The following DNAH6 variants were observed in gnomAD, a reference collection of about 807,000 sequenced individuals.
The protein encoded by DNAH6 is axonemal beta dynein heavy chain 6.
A neutral mutation model predicts 491.4 loss-of-function variants in DNAH6; 340 were observed. That is an observed-to-expected ratio of 0.69 (90% CI 0.63 to 0.76). The LOEUF is 0.76. Among genes scored for constraint, DNAH6 ranks in the 30% least tolerant of loss-of-function variants. The pLI, the probability that DNAH6 is intolerant of heterozygous loss-of-function variation, is 0.00. For synonymous variants in DNAH6, 1,603 were observed against 1,686.1 expected, an observed-to-expected ratio of 0.95 and a Z score of 1.21; for missense variants, 4,443 against 4,972.2, an observed-to-expected ratio of 0.89 and a Z score of 3.20.
intron 18 of DNAH6, among the ~76,000 whole-genome samples, chr2:84,599,926 TG>T (rs1315685246): frequency 6.6e-6 from 1 of 152,236 alleles, no homozygotes; most frequent in East Asian, 1.9e-4. Context: ...CATACTTTTA[TG>T]ATTTCTGTCC....
intron 22 of DNAH6, among the ~76,000 whole-genome samples, chr2:84,613,971 A>G (rs554940856): frequency 3.9e-5 from 6 of 152,172 alleles, no homozygotes; most frequent in African/African-American, 1.4e-4. Context: ...CAGTTAACTT[A>G]GTACTTTTTA....
chr2:84,624,793 T>G (rs1389936944), intron 28 of DNAH6, 109 bp from the exon 29 acceptor site: 2 of 1,284,170 alleles, frequency 1.6e-6, no homozygotes, highest in Admixed American at 2.9e-5. Flanking sequence ...GTATTTCAAT[T>G]GCTATATTTT....
intron 63 of DNAH6, among the ~76,000 whole-genome samples, chr2:84,761,446 C>A (rs548163673): frequency 1.3e-5 from 2 of 152,086 alleles, no homozygotes; most frequent in African/African-American, 4.8e-5. Context: ...ACACATGTAA[C>A]AAAATTACTT....
intron 64 of DNAH6, among the ~76,000 whole-genome samples, chr2:84,778,504 CTTT>C (rs35187823): frequency 1.4e-5 from 2 of 145,982 alleles, no homozygotes; most frequent in African/African-American, 2.5e-5. Flanking sequence ...GCACTATAAA[CTTT>C]TTTTTTTTTT....
At chr2:84,597,153 G>A (rs1343700945) in intron 18 of DNAH6, among the ~76,000 whole-genome samples, 4 of 152,044 alleles carry the variant, frequency 2.6e-5, no homozygotes, top group Non-Finnish European at 4.4e-5. Flanking sequence ...GCCTTTTACA[G>A]AATATTATAT....
chr2:84,645,513 T>C, intron 33 of DNAH6, among the ~76,000 whole-genome samples: 1 of 149,780 alleles, frequency 6.7e-6, no homozygotes, highest in East Asian at 1.9e-4. Context: ...ATCAGTAATG[T>C]TGAGCTTTTT....
chr2:84,811,862 A>C (rs1363097239), intron 72 of DNAH6, among the ~76,000 whole-genome samples: 8 of 141,122 alleles, frequency 5.7e-5, no homozygotes, highest in Non-Finnish European at 1.2e-4. Context: ...TCTGTCTCAA[A>C]AAAAAAAAAA....
At chr2:84,784,907 G>T in intron 66 of DNAH6, 97 bp downstream of exon 66, 1 of 837,576 alleles carries the variant, frequency 1.2e-6, no homozygotes, top group Non-Finnish European at 1.9e-6. Flanking sequence ...AGAAGCATGT[G>T]GAGGTCTGTG....
At chr2:84,658,165 G>C (rs147532053) in intron 35 of DNAH6, 127 bp from the exon 36 acceptor site, 143 of 556,918 alleles carry the variant, frequency 2.6e-4, no homozygotes, top group African/African-American at 2.4e-3. Context: ...AATATGTTGT[G>C]ATAGTTATAG....
At chr2:84,604,694 A>G in intron 19 of DNAH6, 143 bp downstream of exon 19, 1 of 661,788 alleles carries the variant, frequency 1.5e-6, no homozygotes, top group South Asian at 2.0e-5. Context: ...GTTTCCTTAC[A>G]ACAGATATTA....
At chr2:84,485,739 C>T in the DNAH6 span, among the ~76,000 whole-genome samples, 5 of 151,948 alleles carry the variant, frequency 3.3e-5, no homozygotes, top group African/African-American at 4.8e-5. Context: ...TATCTCTTTA[C>T]GGCAAGAGTG....
At position 84,672,534 on chromosome 2, in the gene DNAH6, G is replaced by A. The variant is rs1422612550; in HGVS notation, c.6612+50G>A. 4.7e-6 allele frequency: 7 copies of A among 1,488,414 alleles called. No homozygotes were observed. The South Asian group carries it at 8.8e-5, about 19-fold the overall frequency. The allele number at this position is 1,488,414 out of a possible 1,614,324, so 92.2% of individuals were successfully genotyped here. ...GGTGTGCTTAAATTTAAATGACAAG[G>A]AAATATGATGTATAGTTTGTGAGAC... On this transcript the variant is annotated intron_variant, in intron 40 of 76. Coordinates refer to ENST00000389394, the MANE Select transcript of DNAH6 (RefSeq NM_001370.2).
chr2:84,561,836 A>G (rs1258212917), intron 11 of DNAH6, among the ~76,000 whole-genome samples: 1 of 152,236 alleles, frequency 6.6e-6, no homozygotes, highest in African/African-American at 2.4e-5. Flanking sequence ...TCAAAACCAC[A>G]ATGAGATACA....
the DNAH6 span, among the ~76,000 whole-genome samples, chr2:84,502,717 T>C: frequency 1.3e-5 from 2 of 152,190 alleles, no homozygotes; most frequent in African/African-American, 4.8e-5. Flanking sequence ...TTATATTTTC[T>C]TGCTGAATTG....
intron 40 of DNAH6, among the ~76,000 whole-genome samples, chr2:84,676,688 GA>G (rs1469693912): frequency 2.6e-5 from 4 of 152,136 alleles, no homozygotes; most frequent in African/African-American, 9.7e-5. Context: ...AATATTTGTT[GA>G]AAGAATGGCT....
chr2:84,617,086 A>G, intron 23 of DNAH6, 104 bp downstream of exon 23: 1 of 622,036 alleles, frequency 1.6e-6, no homozygotes, highest in Non-Finnish European at 2.7e-6. Flanking sequence ...AGAGAGAGAA[A>G]CAAAAAAGAT....
chr2:84,669,577 A>C, intron 38 of DNAH6, 67 bp downstream of exon 38: 1 of 1,290,034 alleles, frequency 7.8e-7, no homozygotes, highest in African/African-American at 1.5e-5. Context: ...TAGAATCGTT[A>C]GCACCAGAAG....
the DNAH6 span, among the ~76,000 whole-genome samples, chr2:84,469,853 C>T: frequency 6.6e-6 from 1 of 152,124 alleles, no homozygotes; most frequent in Non-Finnish European, 1.5e-5. This position sits in a 1 kb window ranked among gnomAD's most constrained non-coding sequence, Gnocchi z 4.0. Context: ...CTGTACTTAG[C>T]CAAGAGGGAC....
chr2:84,754,982 GAGA>G (rs1673855375), intron 63 of DNAH6, among the ~76,000 whole-genome samples: 1 of 152,168 alleles, frequency 6.6e-6, no homozygotes, highest in Non-Finnish European at 1.5e-5. Flanking sequence ...ATAGTTCTCA[GAGA>G]AGAAGTTTTA....
Sources: allele counts gnomAD v4.1 joint callset (sites outside exome capture counted in the v4.1 genomes callset), GRCh38; gene constraint gnomAD v4.1.1; non-coding constraint Gnocchi (gnomAD v3.1); transcripts MANE v1.5; gene names NCBI Gene and HGNC (gene_info 2026-07-23, HGNC 2026-07-21).